PKHD1: variants seen among roughly 807,000 people sequenced by gnomAD.
PKHD1 encodes the protein PKHD1 ciliary IPT domain containing fibrocystin/polyductin.
PKHD1 carries 291 observed loss-of-function variants against 412.0 expected under a neutral mutation model. The ratio of observed to expected loss-of-function variants is 0.71; its 90% CI spans 0.64 to 0.78. The LOEUF (loss-of-function observed/expected upper bound fraction) is 0.78. Ranked by LOEUF, PKHD1 falls within the 30% of genes least tolerant of loss-of-function variation. The pLI is 0.00. For synonymous variants in PKHD1, 1,777 were observed against 1,821.5 expected, an observed-to-expected ratio of 0.98 and a Z score of 0.62; for missense variants, 4,825 against 4,950.7, an observed-to-expected ratio of 0.97 and a Z score of 0.76.
chr6:51,957,252 G>A (rs887975100), intron 36 of PKHD1, among the ~76,000 whole-genome samples: 1 of 152,060 alleles, frequency 6.6e-6, no homozygotes, highest in African/African-American at 2.4e-5. Flanking sequence ...ATACCAGCAA[G>A]TAGGAAAGAG....
At position 51,935,583 on chromosome 6, in the gene PKHD1, A is replaced by G. The variant is rs539842012; in HGVS notation, c.5909-1261T>C. Among the ~76,000 whole-genome samples, 23 of 152,314 alleles carry G rather than the reference A, an allele frequency of 1.5e-4. No individual in the cohort carries two copies. In the South Asian group the frequency reaches 4.8e-3, roughly 32 times the overall value. ...GAGGTCCTCTTTTCTAAATCCAACAATAGTTTCCCATCTCACTCAGAATAG... is the reference window on the plus strand; with the variant it reads ...GAGGTCCTCTTTTCTAAATCCAACAGTAGTTTCCCATCTCACTCAGAATAG... On this transcript the variant is annotated intron_variant, in intron 36 of 66. Coordinates refer to ENST00000371117, the MANE Select transcript of PKHD1 (RefSeq NM_138694.4).
intron 19 of PKHD1, 70 bp downstream of exon 19, chr6:52,055,517 C>T (rs1807571015): frequency 6.5e-7 from 1 of 1,550,036 alleles, no homozygotes; most frequent in Non-Finnish European, 8.9e-7. Context: ...TCTGAGTTTT[C>T]AGTCTTGAAT....
intron 60 of PKHD1, among the ~76,000 whole-genome samples, chr6:51,733,521 G>A (rs2150902925): frequency 7.3e-6 from 1 of 136,380 alleles, no homozygotes; most frequent in East Asian, 2.2e-4. Flanking sequence ...TGAGGACAGA[G>A]GGAGACTCCC....
intron 36 of PKHD1, among the ~76,000 whole-genome samples, chr6:51,959,580 G>A (rs1791681126): frequency 6.6e-6 from 1 of 152,020 alleles, no homozygotes; most frequent in South Asian, 2.1e-4. Flanking sequence ...GGATAAGCAT[G>A]ACTAAAAAGT....
intron 43 of PKHD1, among the ~76,000 whole-genome samples, chr6:51,899,504 A>T (rs1035681623): frequency 3.3e-5 from 5 of 151,892 alleles, no homozygotes; most frequent in African/African-American, 9.7e-5. Flanking sequence ...TTAGGTATTG[A>T]TGGGATGTAT....
intron 64 of PKHD1, among the ~76,000 whole-genome samples, chr6:51,633,820 T>C (rs1185558066): frequency 6.6e-6 from 1 of 152,208 alleles, no homozygotes; most frequent in Non-Finnish European, 1.5e-5. Flanking sequence ...GATGGTTACA[T>C]GGATCTATAC....
intron 64 of PKHD1, among the ~76,000 whole-genome samples, chr6:51,636,876 T>G (rs1768646336): frequency 6.6e-6 from 1 of 152,186 alleles, no homozygotes; most frequent in Non-Finnish European, 1.5e-5. Flanking sequence ...ATTTAAACTT[T>G]TATAAATCTC....
In PKHD1 at chr6:51,873,997, C is replaced by T. The variant is rs1166773789; in HGVS notation, c.7351-3358G>A. On this transcript the variant is annotated intron_variant, in intron 46 of 66. Transcript: ENST00000371117. ...CCACTAGAGAAAATGAGATTTCTCC[C>T]AGGGAGAGCTAGTATATTGAGAAGA... Among the ~76,000 whole-genome samples, 3 of 151,966 alleles carry T rather than the reference C, an allele frequency of 2.0e-5. No individual in the cohort carries two copies. In the East Asian group the frequency reaches 5.8e-4, roughly 29 times the overall value.
intron 60 of PKHD1, among the ~76,000 whole-genome samples, chr6:51,674,591 A>G (rs968934270): frequency 1.3e-5 from 2 of 152,228 alleles, no homozygotes; most frequent in Non-Finnish European, 2.9e-5. Context: ...GAAAAAAAGC[A>G]TATTTCTAAA....
At chr6:51,816,938 T>A (rs1265596760) in intron 52 of PKHD1, among the ~76,000 whole-genome samples, 2 of 152,204 alleles carry the variant, frequency 1.3e-5, no homozygotes, top group Non-Finnish European at 2.9e-5. Context: ...CTGGGGTCAA[T>A]GTGAGGGTGA....
At chr6:51,914,173 C>A (rs1783418942) in intron 37 of PKHD1, among the ~76,000 whole-genome samples, 1 of 152,056 alleles carries the variant, frequency 6.6e-6, no homozygotes, top group Non-Finnish European at 1.5e-5. Context: ...ATGCAAGCTA[C>A]GCATGGCAGA....
intron 31 of PKHD1, among the ~76,000 whole-genome samples, chr6:52,027,053 G>A (rs1187919454): frequency 6.6e-6 from 1 of 152,198 alleles, no homozygotes; most frequent in Non-Finnish European, 1.5e-5. Context: ...ATCAGCATGT[G>A]TGTTTCTATT....
chr6:51,881,694 A>C (rs781664059), intron 46 of PKHD1, among the ~76,000 whole-genome samples: 1 of 152,196 alleles, frequency 6.6e-6, no homozygotes, highest in Non-Finnish European at 1.5e-5. Flanking sequence ...ATGAACCTTA[A>C]ACTGCCATTC....
At chr6:51,664,596 A>C (rs9474043) in intron 60 of PKHD1, among the ~76,000 whole-genome samples, 6,301 of 152,292 alleles carry the variant, frequency 0.041, 459 homozygotes, top group African/African-American at 0.14. Context: ...TTGTGCATGC[A>C]GTAAGATTTT....
chr6:51,912,549 C>G lies in PKHD1; in HGVS notation c.6149G>C (p.Cys2050Ser), dbSNP rs551783157. 4.0e-5 allele frequency: 65 copies of G among 1,612,938 alleles called. 1 individual carries two copies. In the South Asian group the frequency reaches 6.6e-4, roughly 16 times the overall value. The change falls in exon 38 of 67, where the codon TGT (cysteine) becomes TCT (serine). Residue 2050 changes from cysteine (C) to serine (S), a missense_variant. Transcript: ENST00000371117. ...HGSLPEVIVT[C>S]LRATAHALDT... ...TAGGGCATGGGCAGTTGCTCTAAGA[C>G]AGGTGACAATTACTTCTGGTAGTGA...
At position 51,658,980 on chromosome 6, in the gene PKHD1, T is replaced by C; in HGVS notation, c.11146A>G (p.Thr3716Ala). Residue 3716 changes from threonine to alanine, a missense_variant, in exon 61 of 67, where the codon ACT (threonine) becomes GCT (alanine). Coordinates refer to ENST00000371117, the MANE Select transcript of PKHD1 (RefSeq NM_138694.4). ...TAGCCAATGACTCCCTTTGACTGAG[T>C]AACTAGTAAGGCCCCGATAGTCATA... The part of the protein sequence containing the change: ...LNMTIGALLV[T>A]QSKGVIGYGN... The C allele has an allele frequency of 6.2e-7, 1 of 1,612,794 alleles. No homozygotes were observed. Among genetic ancestry groups the C allele is most frequent in the Non-Finnish European group, 8.5e-7 (1 of 1,178,900 alleles).
At chr6:52,015,181 T>A (rs1405370306) in intron 34 of PKHD1, among the ~76,000 whole-genome samples, 3 of 152,220 alleles carry the variant, frequency 2.0e-5, no homozygotes, top group East Asian at 3.8e-4. Flanking sequence ...ATATTCTACA[T>A]CCTAATTTTT....
chr6:51,960,421 G>A (rs374773316), intron 35 of PKHD1, among the ~76,000 whole-genome samples: 12 of 152,126 alleles, frequency 7.9e-5, no homozygotes, highest in African/African-American at 2.9e-4. Flanking sequence ...TATTTTTACA[G>A]ATATGTATTG....
intron 35 of PKHD1, among the ~76,000 whole-genome samples, chr6:51,962,353 A>C (rs938979898): frequency 6.6e-6 from 1 of 152,132 alleles, no homozygotes; most frequent in African/African-American, 2.4e-5. Context: ...TCATGGTGTT[A>C]TCCATTAATT....
Sources: allele counts gnomAD v4.1 joint callset (sites outside exome capture counted in the v4.1 genomes callset), GRCh38; gene constraint gnomAD v4.1.1; transcripts MANE v1.5; gene names NCBI Gene and HGNC (gene_info 2026-07-23, HGNC 2026-07-21).